Variants in ZNF107 observed in about 807,000 individuals in gnomAD.
ZNF107 encodes the protein zinc finger protein 107.
A neutral mutation model predicts 12.3 loss-of-function variants in ZNF107; 19 were observed. The observed-to-expected ratio is 1.55, with a 90% confidence interval of 1.08 to 2.27. The LOEUF is 2.27. Among genes scored for constraint, ZNF107 ranks in the 30% most tolerant of loss-of-function variants. The probability of loss-of-function intolerance (pLI) is 0.00; values close to 1 mark genes in which losing one functional copy is unlikely to be tolerated. For missense variants in ZNF107, 958 were observed against 979.9 expected (o/e 0.98, Z 0.30); for synonymous variants, 317 against 330.5 (o/e 0.96, Z 0.44).
At chr7:64,692,349 G>C (rs1051809437) in intron 3 of ZNF107, among the ~76,000 whole-genome samples, 1 of 152,050 alleles carries the variant, frequency 6.6e-6, no homozygotes, top group Non-Finnish European at 1.5e-5. Flanking sequence ...GTGAGTAGTG[G>C]TTTCTGTTCC....
At chr7:64,668,493 T>C (rs1025781868) in intron 1 of ZNF107, among the ~76,000 whole-genome samples, 1 of 151,930 alleles carries the variant, frequency 6.6e-6, no homozygotes, top group Non-Finnish European at 1.5e-5. Flanking sequence ...ACACATCTGT[T>C]TTCTAATCAG....
intron 3 of ZNF107, among the ~76,000 whole-genome samples, chr7:64,700,821 T>A (rs1481747788): frequency 6.6e-6 from 1 of 152,066 alleles, no homozygotes; most frequent in Non-Finnish European, 1.5e-5. Context: ...ATTACAGGCG[T>A]GAGCCACCAT....
At chr7:64,690,000 A>G (rs974149877) in intron 1 of ZNF107, 2 of 152,248 alleles carry the variant, frequency 1.3e-5, no homozygotes, top group African/African-American at 4.8e-5. Flanking sequence ...AGAAAAATAG[A>G]TAAAGCAGTC....
At chr7:64,701,605 T>C (rs141429915) in intron 3 of ZNF107, among the ~76,000 whole-genome samples, 300 of 152,238 alleles carry the variant, frequency 2.0e-3, no homozygotes, top group African/African-American at 5.9e-3. Flanking sequence ...ATTTTCTTTT[T>C]TTTTTAATAT....
intron 1 of ZNF107, among the ~76,000 whole-genome samples, chr7:64,676,034 T>C (rs957265782): frequency 6.6e-6 from 1 of 152,192 alleles, no homozygotes; most frequent in Non-Finnish European, 1.5e-5. Context: ...GTATATTTAA[T>C]AGAGGCAGGG....
At chr7:64,686,472 G>A in intron 1 of ZNF107, 2 of 980,794 alleles carry the variant, frequency 2.0e-6, no homozygotes, top group Non-Finnish European at 2.4e-6. Context: ...CCAATTAGGA[G>A]TCCATGCCGC....
intron 1 of ZNF107, among the ~76,000 whole-genome samples, chr7:64,677,317 A>G (rs1042050950): frequency 6.6e-6 from 1 of 151,598 alleles, no homozygotes; most frequent in Non-Finnish European, 1.5e-5. Context: ...GATTACAGGC[A>G]TGCATCACCA....
intron 1 of ZNF107, among the ~76,000 whole-genome samples, chr7:64,675,320 T>G (rs925746466): frequency 6.6e-6 from 1 of 152,220 alleles, no homozygotes; most frequent in Non-Finnish European, 1.5e-5. Flanking sequence ...CTTTTTCTGC[T>G]CAGTCTTGGG....
chr7:64,707,530 A>G lies in ZNF107; in HGVS notation c.1433A>G (p.Glu478Gly). The change falls in exon 4 of 4, where the codon GAG becomes GGG. Residue 478 changes from glutamate (E) to glycine (G), a missense_variant. By Grantham distance (98) the Glu-to-Gly change is moderately conservative (BLOSUM62 -2). Transcript: ENST00000620827. ...AACCATAGGAAAATTTATTCTGGAG[A>G]GAAACCATACAAATGTGAAGAATGT... ...LINHRKIYSG[E>G]KPYKCEECGK... is the part of the protein sequence containing the mutation. 1.9e-6 allele frequency: 3 copies of G among 1,613,464 alleles called. No individual in the cohort carries two copies. The highest frequency in any genetic ancestry group is 1.7e-6 in the Non-Finnish European group (2 of 1,179,656).
At position 64,706,584 on chromosome 7, in the gene ZNF107, T is replaced by G. The variant is rs751934960; in HGVS notation, c.487T>G (p.Tyr163Asp). Residue 163 changes from tyrosine to aspartate, a missense_variant, in exon 4 of 4, where the codon TAT becomes GAT. Coordinates refer to ENST00000620827, the MANE Select transcript of ZNF107 (RefSeq NM_001282359.2). ...TGATAAATTTTCAAATTCAAATAGA[T>G]ATAAGAGAAGACATACAGGAAACAA... Reference protein sequence around the residue: ...VFDKFSNSNRYKRRHTGNKHF... With the variant: ...VFDKFSNSNRDKRRHTGNKHF... The G allele has an allele frequency of 5.0e-6, 8 of 1,611,390 alleles. No homozygotes were observed. The highest frequency in any genetic ancestry group is 4.4e-5 in the South Asian group (4 of 90,448).
chr7:64,683,657 G>A (rs965684667), intron 1 of ZNF107, among the ~76,000 whole-genome samples: 2 of 152,008 alleles, frequency 1.3e-5, no homozygotes, highest in Non-Finnish European at 2.9e-5. Flanking sequence ...CCTTTGGCTC[G>A]CCTCCTAGAG....
chr7:64,679,316 C>A, intron 1 of ZNF107: 3 of 985,138 alleles, frequency 3.0e-6, no homozygotes, highest in Non-Finnish European at 3.6e-6. Context: ...CTGTAAAAGC[C>A]CCGCCTCTGC....
rs2128969383 is a variant in ZNF107, at chr7:64,708,009, A to G, written c.1912A>G (p.Thr638Ala). 1.2e-6 allele frequency: 2 copies of G among 1,613,206 alleles called. No individual in the cohort carries two copies. Among genetic ancestry groups the G allele is most frequent in the South Asian group, 1.1e-5 (1 of 90,934 alleles). ...TTTTAACCAGTCCTCAAACCTTACT[A>G]CACAAAAGATAATTCATACTGGAGA... is the stretch of plus-strand genomic sequence containing the variant. Reference protein sequence around the residue: ...KVFNQSSNLTTQKIIHTGENL... With the variant: ...KVFNQSSNLTAQKIIHTGENL... Residue 638 changes from threonine to alanine, a missense_variant, in exon 4 of 4, where the codon ACA becomes GCA. Transcript: ENST00000620827.
intron 1 of ZNF107, among the ~76,000 whole-genome samples, chr7:64,672,950 C>T (rs910142090): frequency 1.3e-5 from 2 of 152,216 alleles, no homozygotes; most frequent in Admixed American, 6.5e-5. Context: ...TTGCCAGCAT[C>T]TGTTATTAAC....
At chr7:64,678,334 A>G (rs1789507117) in intron 1 of ZNF107, among the ~76,000 whole-genome samples, 8 of 152,230 alleles carry the variant, frequency 5.3e-5, no homozygotes. Context: ...TATCCAACGT[A>G]ATTATCTAAT....
At chr7:64,687,241 T>C in intron 1 of ZNF107, 1 of 986,424 alleles carries the variant, frequency 1.0e-6, no homozygotes, top group Non-Finnish European at 1.2e-6. Context: ...TGAGAACTCT[T>C]GGAGCTATCT....
At chr7:64,697,537 C>CT (rs1332129277) in intron 3 of ZNF107, among the ~76,000 whole-genome samples, 1 of 152,136 alleles carries the variant, frequency 6.6e-6, no homozygotes, top group East Asian at 1.9e-4. Flanking sequence ...ACCTGGGTTC[C>CT]TTCAGCCTTT....
At position 64,690,635 on chromosome 7, in the gene ZNF107, A is replaced by G. The variant is rs116957801; in HGVS notation, c.4-613A>G. 122 of 701,386 alleles carry G rather than the reference A, an allele frequency of 1.7e-4. No individual in the cohort carries two copies. In the East Asian group the frequency reaches 0.012, roughly 68 times the overall value. 43.4% of individuals were successfully genotyped at this position (701,386 alleles called of 1,614,324 possible). A position where few individuals can be genotyped will look rare whatever the true frequency, so the allele number is the denominator to read the frequency against. On this transcript the variant is annotated intron_variant, in intron 1 of 3. Coordinates refer to ENST00000620827, the MANE Select transcript of ZNF107 (RefSeq NM_001282359.2). ...ATTCCTGCAGATCCAGTAGTTTCCC[A>G]CAAGTCACAAAAAAATAAACACAGT... is the stretch of plus-strand genomic sequence containing the variant.
At chr7:64,680,159 AC>A (rs1789599776) in intron 1 of ZNF107, among the ~76,000 whole-genome samples, 1 of 150,204 alleles carries the variant, frequency 6.7e-6, no homozygotes. Context: ...CCCTCCTCCC[AC>A]CCCACTATTT....
Sources: allele counts gnomAD v4.1 joint callset (sites outside exome capture counted in the v4.1 genomes callset), GRCh38; gene constraint gnomAD v4.1.1; transcripts MANE v1.5; gene names NCBI Gene and HGNC (gene_info 2026-07-23, HGNC 2026-07-21).